FRYL: variants seen among roughly 807,000 people sequenced by gnomAD.
FRYL encodes the protein protein furry homolog-like.
In FRYL, 150 loss-of-function variants were observed where a neutral mutation model predicts 351.2. The ratio of observed to expected loss-of-function variants is 0.43; its 90% CI spans 0.37 to 0.49. The LOEUF (loss-of-function observed/expected upper bound fraction) is 0.49. Among genes scored for constraint, FRYL ranks in the 20% least tolerant of loss-of-function variants. The pLI, the probability that FRYL is intolerant of heterozygous loss-of-function variation, is 0.00. For missense variants in FRYL, 3,036 were observed against 3,619.3 expected (o/e 0.84, Z 4.13); for synonymous variants, 1,153 against 1,257.1 (o/e 0.92, Z 1.75).
chr4:48,763,483 A>G (rs1276518998), intron 1 of FRYL, among the ~76,000 whole-genome samples: 2 of 152,188 alleles, frequency 1.3e-5, no homozygotes, highest in African/African-American at 4.8e-5. Context: ...CTTGGAAAAA[A>G]AAGTCACATC....
At chr4:48,770,867 C>T (rs1350727980) in intron 1 of FRYL, among the ~76,000 whole-genome samples, 2 of 152,142 alleles carry the variant, frequency 1.3e-5, no homozygotes, top group Admixed American at 6.5e-5. Flanking sequence ...ACAGAGGCTA[C>T]AAAATTCCAA....
chr4:48,685,185 A>G (rs1194063643), intron 2 of FRYL, among the ~76,000 whole-genome samples: 1 of 152,194 alleles, frequency 6.6e-6, no homozygotes, highest in Non-Finnish European at 1.5e-5. Context: ...TAAGACAAGG[A>G]TTTACTTTGT....
intron 32 of FRYL, among the ~76,000 whole-genome samples, chr4:48,562,500 TAAAG>T (rs1467219327): frequency 6.6e-6 from 1 of 152,212 alleles, no homozygotes; most frequent in Non-Finnish European, 1.5e-5. Context: ...CTCAACCTAA[TAAAG>T]AAAATTTACA....
chr4:48,727,052 A>G (rs536630670), intron 1 of FRYL, among the ~76,000 whole-genome samples: 3 of 152,366 alleles, frequency 2.0e-5, no homozygotes, highest in South Asian at 2.1e-4. Flanking sequence ...GAAATGGATT[A>G]TAACTACAGA....
chr4:48,564,221 C>T, intron 30 of FRYL, 119 bp from the exon 31 acceptor site: 2 of 1,114,298 alleles, frequency 1.8e-6, no homozygotes, highest in South Asian at 4.3e-5. Context: ...AGAAAAATTC[C>T]ATCTCCTTTT....
chr4:48,607,355 A>C (rs1747073069), intron 9 of FRYL, among the ~76,000 whole-genome samples: 1 of 152,198 alleles, frequency 6.6e-6, no homozygotes, highest in Non-Finnish European at 1.5e-5. Flanking sequence ...AGAACAAAAA[A>C]AAATTAACAA....
At chr4:48,507,914 G>A (rs1479047883) in intron 59 of FRYL, among the ~76,000 whole-genome samples, 5 of 152,256 alleles carry the variant, frequency 3.3e-5, no homozygotes, top group East Asian at 1.9e-4. Context: ...GGCAGAGACC[G>A]CTGGTCTCAC....
intron 20 of FRYL, 146 bp downstream of exon 20, chr4:48,582,351 G>T: frequency 3.2e-6 from 2 of 617,322 alleles, no homozygotes; most frequent in Non-Finnish European, 5.7e-6. Flanking sequence ...CTATGGGAAA[G>T]TTCAGTTTAA....
In FRYL at chr4:48,514,889, TA is replaced by T; in HGVS notation, c.7937+138del. 4 of 717,310 alleles carry T rather than the reference TA, an allele frequency of 5.6e-6. No individual in the cohort carries two copies. The South Asian group carries it at 9.9e-5, about 18-fold the overall frequency. The allele number at this position is 717,310 out of a possible 1,614,324, so 44.4% of individuals were successfully genotyped here. A position where few individuals can be genotyped will look rare whatever the true frequency, so the allele number is the denominator to read the frequency against. On this transcript the variant is annotated intron_variant, in intron 56 of 63. Transcript: ENST00000358350. Reference sequence around the variant, plus strand: ...AAACGAAGATAGTATGATTCTAGACTAAAACACACAAAGTATGATTACAGAC... The same window carrying T: ...AAACGAAGATAGTATGATTCTAGACTAAACACACAAAGTATGATTACAGAC...
Position 48,720,487 on chromosome 4 carries a change from G to A in FRYL, c.-383-9789C>T, listed in dbSNP as rs189553618. Among the ~76,000 whole-genome samples the A allele has an allele frequency of 4.8e-3, 725 of 152,122 alleles. 4 individuals carry two copies. Among genetic ancestry groups the A allele is most frequent in the Middle Eastern group, 0.014 (4 of 294 alleles). ...ACTCCAGGCCTGGGCAACAGAGCAAGACTCCATCTCAAAAAATAAAATAAA... is the reference window on the plus strand; with the variant it reads ...ACTCCAGGCCTGGGCAACAGAGCAAAACTCCATCTCAAAAAATAAAATAAA... On this transcript the variant is annotated intron_variant, in intron 1 of 63. Transcript: ENST00000358350.
intron 1 of FRYL, among the ~76,000 whole-genome samples, chr4:48,728,891 G>A (rs1167878064): frequency 2.0e-5 from 3 of 152,340 alleles, no homozygotes; most frequent in South Asian, 2.1e-4. Context: ...TGCAGCCCAC[G>A]GAGGGCAAGC....
intron 1 of FRYL, among the ~76,000 whole-genome samples, chr4:48,745,545 C>A (rs1014578032): frequency 2.1e-4 from 32 of 151,914 alleles, no homozygotes; most frequent in African/African-American, 7.0e-4. Context: ...TAGGTGGGAA[C>A]TGAACAATGA....
chr4:48,654,661 C>A (rs1385860519), intron 3 of FRYL, among the ~76,000 whole-genome samples: 5 of 152,164 alleles, frequency 3.3e-5, no homozygotes, highest in African/African-American at 4.8e-5. Flanking sequence ...GTCTTCTATT[C>A]TTAATATAGC....
chr4:48,619,215 C>T (rs759882495), intron 7 of FRYL, 59 bp downstream of exon 7: 39 of 1,063,448 alleles, frequency 3.7e-5, no homozygotes, highest in Middle Eastern at 2.0e-4. Flanking sequence ...AACTGAAACA[C>T]GAAGGCACAG....
chr4:48,752,131 TTA>T (rs1773312670), intron 1 of FRYL, among the ~76,000 whole-genome samples: 1 of 152,146 alleles, frequency 6.6e-6, no homozygotes, highest in Non-Finnish European at 1.5e-5. Context: ...GACAATAGTA[TTA>T]TATCGTAGTG....
At chr4:48,590,549 C>T (rs1226727886) in intron 17 of FRYL, 110 bp downstream of exon 17, 1 of 767,198 alleles carries the variant, frequency 1.3e-6, no homozygotes, top group Non-Finnish European at 2.0e-6. Context: ...GCTGTATATA[C>T]TAGAAAAACC....
intron 3 of FRYL, among the ~76,000 whole-genome samples, chr4:48,650,917 C>T (rs1458850122): frequency 1.3e-5 from 2 of 151,998 alleles, no homozygotes; most frequent in African/African-American, 2.4e-5. Flanking sequence ...GGTCAAGGAC[C>T]GAAAGGGGTT....
intron 35 of FRYL, among the ~76,000 whole-genome samples, chr4:48,556,406 G>A (rs940201711): frequency 7.2e-5 from 11 of 152,220 alleles, no homozygotes; most frequent in Admixed American, 3.3e-4. Flanking sequence ...GGAAGGCAAA[G>A]ATGTTATCTT....
chr4:48,626,723 G>C (rs965895100), intron 4 of FRYL, among the ~76,000 whole-genome samples: 64 of 152,150 alleles, frequency 4.2e-4, no homozygotes, highest in African/African-American at 1.4e-3. Flanking sequence ...CACAGAAAAA[G>C]TCATTCTCTG....
Sources: allele counts gnomAD v4.1 joint callset (sites outside exome capture counted in the v4.1 genomes callset), GRCh38; gene constraint gnomAD v4.1.1; transcripts MANE v1.5; gene names NCBI Gene and HGNC (gene_info 2026-07-23, HGNC 2026-07-21).